MARCHF1: variants seen among roughly 807,000 people sequenced by gnomAD.
MARCHF1 encodes E3 ubiquitin-protein ligase MARCHF1.
MARCHF1 carries 40 observed loss-of-function variants against 54.2 expected under a neutral mutation model. The observed-to-expected ratio is 0.74, with a 90% CI of 0.57 to 0.96. The LOEUF is 0.96. Among genes scored for constraint, MARCHF1 ranks in the 40% least tolerant of loss-of-function variants. MARCHF1 has a pLI of 0.00. For missense variants in MARCHF1, 586 were observed against 656.5 expected, an observed-to-expected ratio of 0.89 and a Z score of 1.17; for synonymous variants, 236 against 236.3, an observed-to-expected ratio of 1.00 and a Z score of 0.01.
At chr4:164,007,644 CTCTGTGTGTG>C (rs1030132567) in intron 2 of MARCHF1, among the ~76,000 whole-genome samples, 59 of 101,668 alleles carry the variant, frequency 5.8e-4, no homozygotes, top group African/African-American at 2.2e-3. Flanking sequence ...CTCTCTCTCT[CTCTGTGTGTG>C]TGTGTGTGTG....
chr4:163,569,988 A>G (rs1437591328), intron 8 of MARCHF1, among the ~76,000 whole-genome samples: 1 of 152,080 alleles, frequency 6.6e-6, no homozygotes, highest in Admixed American at 6.6e-5. Context: ...TTTAAAATGA[A>G]CTCCTGAAGA....
intron 8 of MARCHF1, among the ~76,000 whole-genome samples, chr4:163,578,894 C>T (rs1429676139): frequency 6.6e-6 from 1 of 152,098 alleles, no homozygotes; most frequent in Non-Finnish European, 1.5e-5. Flanking sequence ...ATAAACTGGG[C>T]ATGATTGGAG....
At chr4:163,986,894 G>T (rs1413186919) in intron 3 of MARCHF1, among the ~76,000 whole-genome samples, 2 of 152,136 alleles carry the variant, frequency 1.3e-5, no homozygotes, top group African/African-American at 2.4e-5. Context: ...ACACAATGTT[G>T]TTTTCTTTTC....
intron 3 of MARCHF1, among the ~76,000 whole-genome samples, chr4:163,927,929 G>GTA (rs939388135): frequency 1.6e-4 from 24 of 151,928 alleles, no homozygotes; most frequent in African/African-American, 5.8e-4. Context: ...TCCAAATGAA[G>GTA]TATAATAAAT....
At chr4:163,749,724 G>T (rs375959348) in intron 4 of MARCHF1, among the ~76,000 whole-genome samples, 1 of 151,992 alleles carries the variant, frequency 6.6e-6, no homozygotes, top group Non-Finnish European at 1.5e-5. Flanking sequence ...CTATTTTGTG[G>T]AATCAGCCAA....
chr4:163,536,431 T>A (rs1228217223), intron 9 of MARCHF1, among the ~76,000 whole-genome samples: 2 of 152,170 alleles, frequency 1.3e-5, no homozygotes, highest in Non-Finnish European at 2.9e-5. Flanking sequence ...TTAGAGGTCA[T>A]TTCCAGCTGG....
At chr4:164,062,070 T>A (rs937267786) in intron 2 of MARCHF1, among the ~76,000 whole-genome samples, 1 of 152,232 alleles carries the variant, frequency 6.6e-6, no homozygotes, top group African/African-American at 2.4e-5. Flanking sequence ...ATCAACTAAG[T>A]TTTTGTAACA....
intron 4 of MARCHF1, among the ~76,000 whole-genome samples, chr4:163,706,679 G>A (rs1248578106): frequency 6.6e-6 from 1 of 151,936 alleles, no homozygotes; most frequent in African/African-American, 2.4e-5. Context: ...TGACATATGA[G>A]TAGAATGCAG....
At chr4:164,368,334 T>TAATAA (rs71602507) in intron 1 of MARCHF1, among the ~76,000 whole-genome samples, 77,004 of 150,388 alleles carry the variant, frequency 0.51, 20,550 homozygotes, top group East Asian at 0.65. Context: ...TAGAAAAACA[T>TAATAA]AAATATAATT....
chr4:164,282,462 C>T (rs1560986600), intron 1 of MARCHF1, among the ~76,000 whole-genome samples: 1 of 150,792 alleles, frequency 6.6e-6, no homozygotes, highest in East Asian at 2.0e-4. Flanking sequence ...GCACCATCTC[C>T]AATACCTCAG....
At chr4:164,026,791 G>A (rs1753777200) in intron 2 of MARCHF1, among the ~76,000 whole-genome samples, 1 of 151,972 alleles carries the variant, frequency 6.6e-6, no homozygotes, top group African/African-American at 2.4e-5. Flanking sequence ...AAAAAAAGTA[G>A]TAAAACTCTC....
At chr4:163,599,169 A>G (rs12648293) in intron 7 of MARCHF1, among the ~76,000 whole-genome samples, 4,890 of 152,114 alleles carry the variant, frequency 0.032, 180 homozygotes, top group East Asian at 0.16. Context: ...GGCGCCTGTA[A>G]TCCCAGCTAC....
intron 3 of MARCHF1, among the ~76,000 whole-genome samples, chr4:163,923,909 G>T (rs1751483869): frequency 1.1e-5 from 1 of 89,398 alleles, no homozygotes; most frequent in African/African-American, 4.1e-5. Context: ...AAAAATAAAT[G>T]GATACTTTAT....
At chr4:163,946,927 C>A (rs1466910183) in intron 3 of MARCHF1, among the ~76,000 whole-genome samples, 1 of 152,122 alleles carries the variant, frequency 6.6e-6, no homozygotes, top group Non-Finnish European at 1.5e-5. Context: ...CTATCAAATT[C>A]TATAAAGACA....
chr4:163,556,050 C>T, intron 8 of MARCHF1: 1 of 450,258 alleles, frequency 2.2e-6, no homozygotes, highest in South Asian at 1.6e-5. Flanking sequence ...GAAACTGAGG[C>T]CCAGAGCACT....
At chr4:163,628,499 G>A (rs948287504) in intron 5 of MARCHF1, among the ~76,000 whole-genome samples, 2 of 152,184 alleles carry the variant, frequency 1.3e-5, no homozygotes, top group African/African-American at 4.8e-5. Flanking sequence ...AGACAAGGAT[G>A]CCCTTTCTCA....
At chr4:164,335,581 CAA>C (rs34889741) in intron 1 of MARCHF1, among the ~76,000 whole-genome samples, 12,980 of 121,504 alleles carry the variant, frequency 0.11, 1,000 homozygotes, top group East Asian at 0.33. Flanking sequence ...GACTCCATCT[CAA>C]AAAAAAAAAA....
In MARCHF1 at chr4:163,796,891, C is replaced by T. The variant is rs558364222; in HGVS notation, c.111+57130G>A. On this transcript the variant is annotated intron_variant, in intron 4 of 9. Coordinates refer to ENST00000514618, the MANE Select transcript of MARCHF1 (RefSeq NM_001394959.1). ...GTGCTTTAGATCTGACTGCATCTTA[C>T]GATTCTTATGCCAGCTTTGTCTAAT... Among the ~76,000 whole-genome samples the T allele has an allele frequency of 5.3e-5, 8 of 152,224 alleles. No homozygotes were observed. The East Asian group carries it at 1.2e-3, about 22-fold the overall frequency.
chr4:164,273,534 A>G (rs1254755995), intron 1 of MARCHF1, among the ~76,000 whole-genome samples: 2 of 152,228 alleles, frequency 1.3e-5, no homozygotes, highest in African/African-American at 4.8e-5. Context: ...TAGGATTTTT[A>G]CTAAAGAAAA....
Sources: allele counts gnomAD v4.1 joint callset (sites outside exome capture counted in the v4.1 genomes callset), GRCh38; gene constraint gnomAD v4.1.1; transcripts MANE v1.5; gene names NCBI Gene and HGNC (gene_info 2026-07-23, HGNC 2026-07-21).